Variants in CLMP observed in about 807,000 individuals in gnomAD.
CLMP encodes CXADR like cell adhesion molecule.
In CLMP, 27 loss-of-function variants were observed where a neutral mutation model predicts 45.2. That is an observed-to-expected ratio of 0.60 (90% CI 0.44 to 0.82). The LOEUF (loss-of-function observed/expected upper bound fraction) is 0.82. Among genes scored for constraint, CLMP ranks in the 40% least tolerant of loss-of-function variants. The pLI is 0.00. For missense variants in CLMP, 403 were observed against 448.4 expected (o/e 0.90, Z 0.91); for synonymous variants, 167 against 171.4 (o/e 0.97, Z 0.20).
At chr11:123,144,224 T>G (rs1437636511) in intron 1 of CLMP, among the ~76,000 whole-genome samples, 1 of 152,214 alleles carries the variant, frequency 6.6e-6, no homozygotes, top group Non-Finnish European at 1.5e-5. Flanking sequence ...TTGTAGCCAT[T>G]TGTTACATAG....
chr11:123,181,631 C>T (rs142346152), intron 1 of CLMP, among the ~76,000 whole-genome samples: 75 of 152,352 alleles, frequency 4.9e-4, no homozygotes, highest in Middle Eastern at 6.8e-3. Flanking sequence ...ACTATCTCCA[C>T]TCACAGTACC....
intron 1 of CLMP, among the ~76,000 whole-genome samples, chr11:123,178,683 G>C (rs2135546213): frequency 6.6e-6 from 1 of 152,338 alleles, no homozygotes; most frequent in Non-Finnish European, 1.5e-5. Flanking sequence ...ATTTGTAAAA[G>C]AGAAGAGCAG....
At chr11:123,090,323 A>G (rs934195368) in intron 2 of CLMP, among the ~76,000 whole-genome samples, 1 of 150,690 alleles carries the variant, frequency 6.6e-6, no homozygotes, top group South Asian at 2.1e-4. Context: ...GCGTGGTGGC[A>G]TGCACCTGTA....
At chr11:123,093,676 T>A (rs1865958945) in intron 2 of CLMP, among the ~76,000 whole-genome samples, 1 of 112,034 alleles carries the variant, frequency 8.9e-6, no homozygotes, top group Admixed American at 8.4e-5. Context: ...GCCTATTTTG[T>A]TTTTTATCCT....
intron 1 of CLMP, among the ~76,000 whole-genome samples, chr11:123,176,925 C>G (rs1049499619): frequency 6.6e-6 from 1 of 152,158 alleles, no homozygotes; most frequent in African/African-American, 2.4e-5. Flanking sequence ...AACAAGTACC[C>G]ACTGAGTACC....
chr11:123,115,081 G>A (rs1037917827), intron 1 of CLMP, among the ~76,000 whole-genome samples: 8 of 152,202 alleles, frequency 5.3e-5, no homozygotes, highest in Non-Finnish European at 1.2e-4. Context: ...TCGCTCTGTT[G>A]CCCAGGCTGA....
intron 2 of CLMP, among the ~76,000 whole-genome samples, chr11:123,095,218 CTT>C (rs1865976102): frequency 6.6e-6 from 1 of 152,070 alleles, no homozygotes; most frequent in Non-Finnish European, 1.5e-5. Flanking sequence ...CCAAGCAAGT[CTT>C]TTTTTCTTTA....
intron 6 of CLMP, among the ~76,000 whole-genome samples, 197 bp from the exon 7 acceptor site, chr11:123,073,971 A>C (rs969844172): frequency 6.6e-6 from 1 of 152,146 alleles, no homozygotes; most frequent in Admixed American, 6.6e-5. Context: ...GTTAGCCCAC[A>C]GGTCAACTCT....
intron 2 of CLMP, among the ~76,000 whole-genome samples, chr11:123,095,073 T>A (rs1055251649): frequency 3.9e-5 from 6 of 152,220 alleles, no homozygotes; most frequent in African/African-American, 1.4e-4. Flanking sequence ...ATCTGAATGA[T>A]TGAATAAATG....
intron 5 of CLMP, among the ~76,000 whole-genome samples, chr11:123,081,380 A>G (rs1026635124): frequency 2.0e-5 from 3 of 152,172 alleles, no homozygotes; most frequent in African/African-American, 7.2e-5. Flanking sequence ...TAAGCCTGGC[A>G]TACTATTTAT....
At chr11:123,140,429 G>A (rs928833612) in intron 1 of CLMP, among the ~76,000 whole-genome samples, 1 of 152,138 alleles carries the variant, frequency 6.6e-6, no homozygotes, top group Non-Finnish European at 1.5e-5. Flanking sequence ...TCTTATATTT[G>A]TTGCTAATGG....
chr11:123,098,001 G>A (rs947504264), intron 1 of CLMP, 49 bp from the exon 2 acceptor site: 14 of 1,400,684 alleles, frequency 1.0e-5, no homozygotes, highest in Admixed American at 2.5e-5. Flanking sequence ...GGATGGCAAT[G>A]TGTGGGGAGC....
chr11:123,159,680 G>T (rs569832943), intron 1 of CLMP, among the ~76,000 whole-genome samples: 1 of 152,282 alleles, frequency 6.6e-6, no homozygotes, highest in South Asian at 2.1e-4. Context: ...GGCCCAGGGG[G>T]CACACAGGAA....
chr11:123,156,541 AT>A (rs34832117), intron 1 of CLMP, among the ~76,000 whole-genome samples: 3,243 of 152,080 alleles, frequency 0.021, 50 homozygotes, highest in Non-Finnish European at 0.033. Flanking sequence ...GGTCGGGGGG[AT>A]TTTTTTGGTA....
chr11:123,154,393 C>T (rs2135528526), intron 1 of CLMP, among the ~76,000 whole-genome samples: 1 of 152,322 alleles, frequency 6.6e-6, no homozygotes, highest in African/African-American at 2.4e-5. Flanking sequence ...ATGGAGGCCA[C>T]CTAGGCAATG....
At chr11:123,114,156 T>C (rs567932901) in intron 1 of CLMP, among the ~76,000 whole-genome samples, 18 of 152,254 alleles carry the variant, frequency 1.2e-4, no homozygotes, top group African/African-American at 4.3e-4. Flanking sequence ...GAATTAAAAA[T>C]AGACACAGAC....
intron 1 of CLMP, among the ~76,000 whole-genome samples, chr11:123,127,708 C>T (rs1050627466): frequency 4.6e-5 from 7 of 152,130 alleles, no homozygotes; most frequent in African/African-American, 1.7e-4. Context: ...TACATGCAAT[C>T]ATCCCTTAAC....
At chr11:123,180,387 C>G (rs548740974) in intron 1 of CLMP, among the ~76,000 whole-genome samples, 13 of 152,154 alleles carry the variant, frequency 8.5e-5, no homozygotes, top group African/African-American at 2.9e-4. Context: ...GCCTTAGAAA[C>G]GAAGCCCCAG....
intron 1 of CLMP, among the ~76,000 whole-genome samples, chr11:123,187,039 A>G (rs1339341916): frequency 1.3e-5 from 2 of 152,164 alleles, no homozygotes; most frequent in Non-Finnish European, 2.9e-5. Flanking sequence ...TTCATTTACT[A>G]TTTATTACGT....
Sources: allele counts gnomAD v4.1 joint callset (sites outside exome capture counted in the v4.1 genomes callset), GRCh38; gene constraint gnomAD v4.1.1; transcripts MANE v1.5; gene names NCBI Gene and HGNC (gene_info 2026-07-23, HGNC 2026-07-21).